The following CACNA2D3 variants were observed in gnomAD, a reference collection of about 807,000 sequenced individuals.
The protein encoded by CACNA2D3 is calcium voltage-gated channel auxiliary subunit alpha2delta 3, also known as voltage-dependent calcium channel subunit alpha-2/delta-3.
CACNA2D3 carries 60 observed loss-of-function variants against 160.6 expected under a neutral mutation model. That is an observed-to-expected ratio of 0.37 (90% CI 0.30 to 0.46). The LOEUF (loss-of-function observed/expected upper bound fraction) is 0.46, where lower values mean the gene tolerates loss of function less well. Ranked by LOEUF, CACNA2D3 falls within the 20% of genes least tolerant of loss-of-function variation. The pLI, the probability that CACNA2D3 is intolerant of heterozygous loss-of-function variation, is 1.00. For missense variants in CACNA2D3, 1,205 were observed against 1,365.0 expected, an observed-to-expected ratio of 0.88 and a Z score of 1.85; for synonymous variants, 558 against 492.9, an observed-to-expected ratio of 1.13 and a Z score of -1.75.
At chr3:54,900,059 T>A (rs1235652540) in intron 27 of CACNA2D3, among the ~76,000 whole-genome samples, 191 bp downstream of exon 27, 1 of 152,190 alleles carries the variant, frequency 6.6e-6, no homozygotes, top group South Asian at 2.1e-4. Context: ...TGGTGGTTGA[T>A]GTGAAAACAG....
intron 14 of CACNA2D3, among the ~76,000 whole-genome samples, chr3:54,821,716 C>CCT (rs144564494): frequency 0.011 from 1,203 of 112,844 alleles, 35 homozygotes; most frequent in African/African-American, 0.036. Context: ...TTCCTTCTTT[C>CCT]CTCTCTCTCT....
At chr3:54,783,843 G>GT (rs1185678891) in intron 13 of CACNA2D3, among the ~76,000 whole-genome samples, 1 of 152,088 alleles carries the variant, frequency 6.6e-6, no homozygotes, top group African/African-American at 2.4e-5. Flanking sequence ...TAAATGTTGA[G>GT]TCATAACAAT....
chr3:54,286,427 T>G (rs181140586), intron 2 of CACNA2D3, among the ~76,000 whole-genome samples: 1 of 152,318 alleles, frequency 6.6e-6, no homozygotes, highest in African/African-American at 2.4e-5. Context: ...TATGGAACTA[T>G]GTGAAAAGAC....
At chr3:54,523,589 C>T (rs757073027) in intron 5 of CACNA2D3, among the ~76,000 whole-genome samples, 2 of 152,016 alleles carry the variant, frequency 1.3e-5, no homozygotes, top group Non-Finnish European at 2.9e-5. Context: ...TGGAAGAGTT[C>T]GTGAAGAATT....
intron 2 of CACNA2D3, among the ~76,000 whole-genome samples, chr3:54,224,940 C>CTTTTTTTTTTTTTT (rs58653320): frequency 7.8e-6 from 1 of 128,008 alleles, no homozygotes; most frequent in African/African-American, 2.9e-5. Flanking sequence ...GACTGAATAT[C>CTTTTTTTTTTTTTT]TTTTTTTTTT....
chr3:54,792,446 G>A (rs147748802), intron 13 of CACNA2D3, among the ~76,000 whole-genome samples: 133 of 152,220 alleles, frequency 8.7e-4, no homozygotes, highest in East Asian at 5.0e-3. Context: ...GTGTGATTAA[G>A]GAAAATCAAT....
chr3:54,850,080 T>G (rs1190664269), intron 17 of CACNA2D3, among the ~76,000 whole-genome samples: 1 of 152,182 alleles, frequency 6.6e-6, no homozygotes, highest in East Asian at 1.9e-4. Context: ...GAAGCAATGC[T>G]TCTCTGTGAT....
intron 27 of CACNA2D3, chr3:54,918,927 C>G (rs1444283601): frequency 3.3e-6 from 5 of 1,496,300 alleles, no homozygotes; most frequent in Non-Finnish European, 4.5e-6. Flanking sequence ...AATAACAAAG[C>G]CTTGATACAA....
At chr3:54,754,644 G>C (rs1701938058) in intron 12 of CACNA2D3, among the ~76,000 whole-genome samples, 1 of 152,102 alleles carries the variant, frequency 6.6e-6, no homozygotes, top group African/African-American at 2.4e-5. Flanking sequence ...AAATAGGTAA[G>C]TTGACTCTAA....
At chr3:54,412,309 G>A (rs945470939) in intron 4 of CACNA2D3, among the ~76,000 whole-genome samples, 9 of 151,854 alleles carry the variant, frequency 5.9e-5, no homozygotes, top group African/African-American at 2.2e-4. Context: ...AATTTTCCTT[G>A]TTAATGCTCC....
intron 8 of CACNA2D3, among the ~76,000 whole-genome samples, chr3:54,572,101 G>T (rs961154374): frequency 1.9e-4 from 29 of 151,616 alleles, no homozygotes; most frequent in Non-Finnish European, 3.8e-4. Context: ...ACCCACTTGT[G>T]TTCTCCAGGC....
chr3:54,880,818 G>C lies in CACNA2D3; in HGVS notation c.1867G>C (p.Gly623Arg). Residue 623 changes from glycine (G) to arginine (R), a missense_variant, in exon 21 of 38, where the codon GGT becomes CGT. Gly to Arg is a moderately radical substitution (Grantham distance 125). Around this residue, in one of 3 missense-constraint regions of CACNA2D3, gnomAD observed 911 missense variants for 1,002.2 expected, o/e 0.91. Transcript: ENST00000474759. Reference protein sequence around the residue: ...PFSLGVALSRGHGKYFFRGNV... With the variant: ...PFSLGVALSRRHGKYFFRGNV... ...CAGTTTAGGTGTGGCGCTTTCCAGAGGTCATGGGAAATATTTCTTCCGAGG... is the reference window on the plus strand; with the variant it reads ...CAGTTTAGGTGTGGCGCTTTCCAGACGTCATGGGAAATATTTCTTCCGAGG... The C allele has an allele frequency of 1.2e-6, 2 of 1,613,900 alleles. No individual in the cohort carries two copies. Among genetic ancestry groups the C allele is most frequent in the Non-Finnish European group, 1.7e-6 (2 of 1,179,818 alleles).
chr3:54,894,677 G>A (rs757093369), intron 25 of CACNA2D3: 24 of 500,638 alleles, frequency 4.8e-5, no homozygotes, highest in Non-Finnish European at 8.8e-5. Context: ...GTAGAGAGTA[G>A]CAATGCATCC....
At chr3:54,868,590 A>G (rs1699455972) in intron 17 of CACNA2D3, among the ~76,000 whole-genome samples, 1 of 152,208 alleles carries the variant, frequency 6.6e-6, no homozygotes, top group Non-Finnish European at 1.5e-5. Flanking sequence ...CACCTTTGCC[A>G]AATACCATCT....
At chr3:54,565,458 A>G (rs1702394713) in intron 6 of CACNA2D3, among the ~76,000 whole-genome samples, 1 of 152,148 alleles carries the variant, frequency 6.6e-6, no homozygotes, top group South Asian at 2.1e-4. Context: ...CTTCACACAT[A>G]GGCCTTCACC....
At chr3:54,902,544 C>T (rs1437381114) in intron 27 of CACNA2D3, among the ~76,000 whole-genome samples, 1 of 152,202 alleles carries the variant, frequency 6.6e-6, no homozygotes, top group African/African-American at 2.4e-5. Flanking sequence ...CAGTGTGCTG[C>T]ATTTTCTTAA....
chr3:55,009,996 G>A (rs964041600), intron 34 of CACNA2D3, among the ~76,000 whole-genome samples: 1 of 152,106 alleles, frequency 6.6e-6, no homozygotes, highest in Non-Finnish European at 1.5e-5. Context: ...TGTCTCCAAG[G>A]CTCAGTTTCC....
intron 4 of CACNA2D3, among the ~76,000 whole-genome samples, chr3:54,474,413 G>A (rs1454380886): frequency 6.6e-6 from 1 of 152,028 alleles, no homozygotes; most frequent in East Asian, 1.9e-4. Context: ...TGGGGGCCTA[G>A]GGGAGGGATT....
At chr3:54,974,412 A>T (rs531369940) in intron 29 of CACNA2D3, among the ~76,000 whole-genome samples, 1 of 152,322 alleles carries the variant, frequency 6.6e-6, no homozygotes, top group East Asian at 1.9e-4. Context: ...GGTCACACCG[A>T]CAGCAGATGT....
Sources: allele counts gnomAD v4.1 joint callset (sites outside exome capture counted in the v4.1 genomes callset), GRCh38; gene constraint gnomAD v4.1.1; regional missense constraint gnomAD v4.1.1; transcripts MANE v1.5; gene names NCBI Gene and HGNC (gene_info 2026-07-23, HGNC 2026-07-21).